KAT6A: variants seen among roughly 807,000 people sequenced by gnomAD.
The protein encoded by KAT6A is lysine acetyltransferase 6A.
KAT6A carries 9 observed loss-of-function variants against 198.4 expected under a neutral mutation model. The ratio of observed to expected loss-of-function variants is 0.05; its 90% CI spans 0.03 to 0.08. The LOEUF (loss-of-function observed/expected upper bound fraction) is 0.08. KAT6A is among the 10% of genes least tolerant of loss of function. The pLI, the probability that KAT6A is intolerant of heterozygous loss-of-function variation, is 1.00. For synonymous variants in KAT6A, 890 were observed against 883.0 expected (o/e 1.01, Z -0.14); for missense variants, 2,077 against 2,509.9 (o/e 0.83, Z 3.69).
chr8:41,981,326 T>A (rs532001624), intron 4 of KAT6A, among the ~76,000 whole-genome samples: 3 of 152,128 alleles, frequency 2.0e-5, no homozygotes, highest in Admixed American at 2.0e-4. Context: ...TCAAAAAAAA[T>A]AAATAAATAA....
chr8:42,025,244 T>C (rs542640856), intron 2 of KAT6A, among the ~76,000 whole-genome samples: 1 of 152,100 alleles, frequency 6.6e-6, no homozygotes, highest in African/African-American at 2.4e-5. Context: ...GGAGTTTCCC[T>C]CTTGTTGCCC....
At chr8:41,994,147 A>C (rs553090233) in intron 2 of KAT6A, among the ~76,000 whole-genome samples, 1 of 152,352 alleles carries the variant, frequency 6.6e-6, no homozygotes, top group South Asian at 2.1e-4. Flanking sequence ...CCCATGATCT[A>C]TATAAAGTAA....
At chr8:41,968,203 C>T (rs960531525) in intron 8 of KAT6A, among the ~76,000 whole-genome samples, 2 of 151,852 alleles carry the variant, frequency 1.3e-5, no homozygotes, top group African/African-American at 4.8e-5. Context: ...CAAAATGGGA[C>T]AAAATTTTTG....
intron 7 of KAT6A, among the ~76,000 whole-genome samples, chr8:41,975,359 T>C (rs577802083): frequency 6.6e-6 from 1 of 152,260 alleles, no homozygotes; most frequent in African/African-American, 2.4e-5. Flanking sequence ...GTATGATAAT[T>C]ATCTACTAAA....
At chr8:42,037,214 C>T (rs547193669) in intron 2 of KAT6A, among the ~76,000 whole-genome samples, 33 of 152,158 alleles carry the variant, frequency 2.2e-4, no homozygotes, top group African/African-American at 7.7e-4. Context: ...GTGCCAAGTA[C>T]CACTGCTTTC....
chr8:42,027,789 C>G (rs1295918568), intron 2 of KAT6A, among the ~76,000 whole-genome samples: 1 of 151,432 alleles, frequency 6.6e-6, no homozygotes, highest in African/African-American at 2.4e-5. Flanking sequence ...CTGCTCCTGC[C>G]TTTATTATTT....
chr8:41,973,294 C>T (rs62508254), intron 8 of KAT6A, among the ~76,000 whole-genome samples: 36,791 of 151,128 alleles, frequency 0.24, 5,098 homozygotes, highest in Middle Eastern at 0.42. Flanking sequence ...GGCACGATCT[C>T]GGCTCACTGC....
At chr8:42,027,933 T>G (rs1186018664) in intron 2 of KAT6A, among the ~76,000 whole-genome samples, 2 of 152,216 alleles carry the variant, frequency 1.3e-5, no homozygotes, top group South Asian at 2.1e-4. Context: ...ACTTCCCTCT[T>G]AACTCTGCTT....
chr8:42,049,873 C>A (rs1802512084), intron 1 of KAT6A, among the ~76,000 whole-genome samples: 2 of 152,156 alleles, frequency 1.3e-5, no homozygotes, highest in Admixed American at 1.3e-4. Context: ...ACAGTATTAC[C>A]TTAATCTCTC....
At chr8:42,047,217 T>A (rs1323304231) in intron 2 of KAT6A, among the ~76,000 whole-genome samples, 1 of 152,218 alleles carries the variant, frequency 6.6e-6, no homozygotes, top group Non-Finnish European at 1.5e-5. Context: ...TCAGAGCACC[T>A]TAAGTAAATT....
chr8:42,027,688 G>A (rs547636280), intron 2 of KAT6A, among the ~76,000 whole-genome samples: 15 of 151,590 alleles, frequency 9.9e-5, no homozygotes, highest in Admixed American at 9.8e-4. Context: ...TTTTTTCTTG[G>A]TTTGCCTCGC....
rs1050612463 is a variant in KAT6A, at chr8:41,932,246, C to T, written c.5974G>A (p.Val1992Met). ...GGTCCGTTGAGTGACTGCTTGGGCACGCCAGCAGCGTTCATGTAGCTGTGA... is the reference window on the plus strand; with the variant it reads ...GGTCCGTTGAGTGACTGCTTGGGCATGCCAGCAGCGTTCATGTAGCTGTGA... ...SHHSYMNAAG[V>M]PKQSLNGPYM... is the part of the protein sequence containing the mutation. Residue 1992 changes from valine (V) to methionine (M), a missense_variant, in exon 17 of 17, where the codon GTG becomes ATG. Val to Met is a conservative substitution (Grantham distance 21). Around this residue, in one of 13 missense-constraint regions of KAT6A, gnomAD observed 500 missense variants for 577.2 expected, o/e 0.87. Transcript: ENST00000265713. 10 of 1,612,734 alleles carry T rather than the reference C, an allele frequency of 6.2e-6. No homozygotes were observed. The highest frequency in any genetic ancestry group is 4.0e-5 in the African/African-American group (3 of 74,888).
chr8:41,946,491 TATACACACACAC>T lies in KAT6A; in HGVS notation c.1996+88_1996+99del, dbSNP rs377660286. On this transcript the variant is annotated intron_variant, in intron 12 of 16. Coordinates refer to ENST00000265713, the MANE Select transcript of KAT6A (RefSeq NM_006766.5). ...ACCTACAAATCTTTAAATATATATA[TATACACACACAC>T]ACACACACACACACACACACACACA... 0.058 allele frequency: 26,817 copies of T among 462,562 alleles called. 1,355 individuals carry two copies. Among genetic ancestry groups the T allele is most frequent in the African/African-American group, 0.26 (9,963 of 37,822 alleles). 28.7% of individuals were successfully genotyped at this position (462,562 alleles called of 1,614,324 possible).
chr8:42,022,243 T>C (rs1479681706), intron 2 of KAT6A, among the ~76,000 whole-genome samples: 1 of 152,158 alleles, frequency 6.6e-6, no homozygotes, highest in East Asian at 1.9e-4. Context: ...TCAAACCTGA[T>C]ACTGTATCAG....
intron 2 of KAT6A, among the ~76,000 whole-genome samples, chr8:42,040,219 T>G (rs1827585013): frequency 1.3e-5 from 2 of 151,982 alleles, no homozygotes; most frequent in African/African-American, 4.8e-5. Flanking sequence ...TAGCTATTAA[T>G]AGGTTTCTAT....
intron 9 of KAT6A, among the ~76,000 whole-genome samples, chr8:41,951,522 T>A (rs902647148): frequency 3.9e-5 from 6 of 152,246 alleles, no homozygotes; most frequent in Admixed American, 2.0e-4. Flanking sequence ...TGGGGGCTGC[T>A]TTTAGTGATC....
chr8:42,051,489 G>T (rs1802644932), intron 1 of KAT6A, among the ~76,000 whole-genome samples: 1 of 146,802 alleles, frequency 6.8e-6, no homozygotes, highest in African/African-American at 2.5e-5. Flanking sequence ...CGCGGCGGGC[G>T]GGTGGGCGCG....
chr8:42,045,390 G>A (rs531625204), intron 2 of KAT6A, among the ~76,000 whole-genome samples: 5 of 151,954 alleles, frequency 3.3e-5, no homozygotes, highest in East Asian at 3.9e-4. Context: ...GAGAAACCCC[G>A]TCTCTACTAA....
chr8:41,960,675 T>A (rs1823164589), intron 8 of KAT6A, among the ~76,000 whole-genome samples: 1 of 152,146 alleles, frequency 6.6e-6, no homozygotes, highest in Admixed American at 6.6e-5. Context: ...CAGACTTCTC[T>A]TTATCCATCT....
Sources: allele counts gnomAD v4.1 joint callset (sites outside exome capture counted in the v4.1 genomes callset), GRCh38; gene constraint gnomAD v4.1.1; regional missense constraint gnomAD v4.1.1; transcripts MANE v1.5; gene names NCBI Gene and HGNC (gene_info 2026-07-23, HGNC 2026-07-21).